TMTC2: variants seen among roughly 807,000 people sequenced by gnomAD.
TMTC2 encodes transmembrane O-mannosyltransferase targeting cadherins 2.
In TMTC2, 43 loss-of-function variants were observed where a neutral mutation model predicts 82.4. That is an observed-to-expected ratio of 0.52 (90% confidence interval 0.41 to 0.67). The LOEUF is 0.67. Among genes scored for constraint, TMTC2 ranks in the 30% least tolerant of loss-of-function variants. TMTC2 has a pLI of 0.00. For missense variants in TMTC2, 919 were observed against 1,012.4 expected, an observed-to-expected ratio of 0.91 and a Z score of 1.25; for synonymous variants, 408 against 381.9, an observed-to-expected ratio of 1.07 and a Z score of -0.80.
At chr12:83,005,375 TAGCCTAGC>T (rs1282752059) in intron 8 of TMTC2, among the ~76,000 whole-genome samples, 3 of 150,454 alleles carry the variant, frequency 2.0e-5, no homozygotes, top group African/African-American at 7.4e-5. Flanking sequence ...GATTGGCTCC[TAGCCTAGC>T]ACCTCTTTTG....
At chr12:82,727,712 G>A (rs1469230661) in intron 1 of TMTC2, among the ~76,000 whole-genome samples, 15 of 147,338 alleles carry the variant, frequency 1.0e-4, no homozygotes, top group African/African-American at 3.7e-4. Context: ...CAGAGTGAGA[G>A]TGTCTCAAAA....
At chr12:82,703,501 T>A (rs568607033) in intron 1 of TMTC2, among the ~76,000 whole-genome samples, 6,498 of 147,220 alleles carry the variant, frequency 0.044, 255 homozygotes, top group East Asian at 0.12. Context: ...TTTCTTTCTT[T>A]TTTTTTTTTT....
At chr12:83,016,088 C>T (rs535214103) in intron 8 of TMTC2, among the ~76,000 whole-genome samples, 2 of 152,268 alleles carry the variant, frequency 1.3e-5, no homozygotes, top group Admixed American at 1.3e-4. Context: ...AATCTTTAGC[C>T]TGGCAGGAAG....
At chr12:82,703,869 T>C (rs1161285409) in intron 1 of TMTC2, among the ~76,000 whole-genome samples, 2 of 152,248 alleles carry the variant, frequency 1.3e-5, no homozygotes, top group Non-Finnish European at 2.9e-5. Context: ...CAAGACATGT[T>C]AGAATGGAAG....
intron 8 of TMTC2, among the ~76,000 whole-genome samples, chr12:82,989,025 A>G (rs377725177): frequency 2.0e-5 from 3 of 151,696 alleles, no homozygotes; most frequent in Non-Finnish European, 4.4e-5. Context: ...ATCAGAAGAC[A>G]TCTTTAAAAG....
At chr12:82,906,124 A>G (rs1418838502) in intron 3 of TMTC2, among the ~76,000 whole-genome samples, 1 of 152,102 alleles carries the variant, frequency 6.6e-6, no homozygotes, top group Non-Finnish European at 1.5e-5. Flanking sequence ...GAAATAACTC[A>G]CAATTTAAGT....
rs1381476823 is a variant in TMTC2, at chr12:82,788,274, C to G, written c.84-68736C>G. 1.3e-5 allele frequency among the ~76,000 whole-genome samples: 2 copies of G among 151,810 alleles called. 1 individual carries two copies. Among genetic ancestry groups the G allele is most frequent in the Non-Finnish European group, 2.9e-5 (2 of 67,966 alleles). The stretch of plus-strand genomic sequence containing the variant: ...ATGATATTACAATATACCTTCTGAC[C>G]CTTTATATAAATATTTAGAGTAAGG... On this transcript the variant is annotated intron_variant, in intron 1 of 11. Transcript: ENST00000321196.
At chr12:83,054,746 A>G (rs1387008449) in intron 10 of TMTC2, among the ~76,000 whole-genome samples, 2 of 151,854 alleles carry the variant, frequency 1.3e-5, no homozygotes, top group African/African-American at 4.8e-5. Flanking sequence ...AATGTTAATA[A>G]GAACAGAATT....
At chr12:83,070,320 A>G (rs60694174) in intron 11 of TMTC2, among the ~76,000 whole-genome samples, 4,544 of 152,246 alleles carry the variant, frequency 0.03, 212 homozygotes, top group African/African-American at 0.1. Flanking sequence ...ATCCATGAGC[A>G]TGGAATGTGT....
chr12:83,009,027 GGA>G (rs1475855324), intron 8 of TMTC2, among the ~76,000 whole-genome samples: 1 of 152,182 alleles, frequency 6.6e-6, no homozygotes, highest in Non-Finnish European at 1.5e-5. Context: ...GTCTTTGAAT[GGA>G]TGGGCCTGTG....
At chr12:82,751,508 G>A (rs1432684529) in intron 1 of TMTC2, among the ~76,000 whole-genome samples, 1 of 151,852 alleles carries the variant, frequency 6.6e-6, no homozygotes, top group East Asian at 1.9e-4. Context: ...TGCACATGGT[G>A]CACATGTATA....
At chr12:82,805,903 A>G (rs756891599) in intron 1 of TMTC2, among the ~76,000 whole-genome samples, 5 of 152,120 alleles carry the variant, frequency 3.3e-5, no homozygotes, top group East Asian at 3.8e-4. Flanking sequence ...CCAAGTCTTT[A>G]TTGAACATCT....
intron 1 of TMTC2, among the ~76,000 whole-genome samples, chr12:82,771,934 A>G (rs1188665664): frequency 1.3e-5 from 2 of 152,184 alleles, no homozygotes; most frequent in African/African-American, 4.8e-5. Flanking sequence ...CCATATTTGC[A>G]CTAGAATATG....
At chr12:82,911,637 C>T (rs1311370010) in intron 3 of TMTC2, among the ~76,000 whole-genome samples, 2 of 151,772 alleles carry the variant, frequency 1.3e-5, no homozygotes, top group Non-Finnish European at 2.9e-5. Flanking sequence ...GCGTCTTGCT[C>T]TGTTGCCCAG....
intron 2 of TMTC2, among the ~76,000 whole-genome samples, chr12:82,858,745 A>C (rs1871385048): frequency 6.6e-6 from 1 of 151,884 alleles, no homozygotes; most frequent in Admixed American, 6.6e-5. Flanking sequence ...GGCTTAATGA[A>C]GTTCTTTTGT....
chr12:82,840,940 T>A (rs1870299734), intron 1 of TMTC2, among the ~76,000 whole-genome samples: 1 of 152,066 alleles, frequency 6.6e-6, no homozygotes, highest in Admixed American at 6.5e-5. Flanking sequence ...CCACCATGCC[T>A]GACTAATTTT....
At chr12:82,991,239 T>G (rs947957492) in intron 8 of TMTC2, among the ~76,000 whole-genome samples, 4 of 93,298 alleles carry the variant, frequency 4.3e-5, no homozygotes, top group African/African-American at 1.6e-4. Flanking sequence ...AAGTGTGGAG[T>G]TTTTTTTTCC....
intron 3 of TMTC2, among the ~76,000 whole-genome samples, chr12:82,927,829 GTATTTTTTAATTAA>G (rs1875812782): frequency 1.3e-5 from 2 of 152,106 alleles, no homozygotes; most frequent in Non-Finnish European, 2.9e-5. Flanking sequence ...TAGCAACAAA[GTATTTTTTAATTAA>G]GGTATACCAT....
At chr12:83,034,391 T>A (rs1344084755) in intron 9 of TMTC2, among the ~76,000 whole-genome samples, 1 of 152,024 alleles carries the variant, frequency 6.6e-6, no homozygotes, top group Non-Finnish European at 1.5e-5. Context: ...TGTGACTGGA[T>A]CCCATCGAAC....
Sources: gnomAD v4.1 joint callset for allele counts (sites outside exome capture counted in the v4.1 genomes callset) on GRCh38, gnomAD v4.1.1 for gene constraint, MANE v1.5 for transcripts, NCBI Gene and HGNC (gene_info 2026-07-23, HGNC 2026-07-21) for gene names.